The following CROCC2 variants were observed in gnomAD, a reference collection of about 807,000 sequenced individuals.
CROCC2 encodes ciliary rootlet coiled-coil, rootletin family member 2.
CROCC2 carries 163 observed loss-of-function variants against 177.6 expected under a neutral mutation model. The observed-to-expected ratio is 0.92, with a 90% CI of 0.81 to 1.05. The LOEUF is 1.05. Among genes scored for constraint, CROCC2 ranks in the 50% least tolerant of loss-of-function variants. The pLI, the probability that CROCC2 is intolerant of heterozygous loss-of-function variation, is 0.00. For missense variants in CROCC2, 1,929 were observed against 1,797.8 expected, an observed-to-expected ratio of 1.07 and a Z score of -1.32; for synonymous variants, 904 against 787.3, an observed-to-expected ratio of 1.15 and a Z score of -2.48.
At position 240,968,129 on chromosome 2, in the gene CROCC2, G is replaced by A; in HGVS notation, c.4268G>A (p.Gly1423Asp). 2 of 1,470,436 alleles carry A rather than the reference G, an allele frequency of 1.4e-6. No individual in the cohort carries two copies. Among genetic ancestry groups the A allele is most frequent in the South Asian group, 2.7e-5 (2 of 75,316 alleles). 91.1% of individuals were successfully genotyped at this position (1,470,436 alleles called of 1,614,324 possible). The part of the protein sequence containing the change: ...LQKALAEAEE[G>D]QRRVEGALSS... ...TCAAGCCACCCTGCTTGCCCCACAG[G>A]CCAGCGCCGGGTGGAGGGCGCGCTG... The change falls in exon 27 of 32, where the codon GGC (glycine) becomes GAC (aspartate). Residue 1423 changes from glycine to aspartate, a missense_variant and splice_region_variant. Transcript: ENST00000690015.
chr2:240,927,193 A>G (rs74000138), intron 5 of CROCC2, among the ~76,000 whole-genome samples: 2,176 of 152,218 alleles, frequency 0.014, 49 homozygotes, highest in African/African-American at 0.05. Flanking sequence ...TCCTTATCGA[A>G]GTAACATGTC....
chr2:240,963,202 G>C (rs2059654718), intron 20 of CROCC2: 1 of 269,690 alleles, frequency 3.7e-6, no homozygotes, highest in South Asian at 1.2e-4. Context: ...GGTGGGAAGG[G>C]CCCCAGGCAG....
chr2:240,976,006 C>G (rs1355366591), intron 27 of CROCC2, among the ~76,000 whole-genome samples: 1 of 152,228 alleles, frequency 6.6e-6, no homozygotes. Context: ...GCTGGGATTA[C>G]AGGAATGAGC....
At chr2:240,934,270 T>C in intron 11 of CROCC2, 61 bp from the exon 12 acceptor site, 1 of 1,518,522 alleles carries the variant, frequency 6.6e-7, no homozygotes, top group Non-Finnish European at 8.8e-7. Context: ...CTGCCTGAAA[T>C]CCCATGGGGC....
At position 240,930,155 on chromosome 2, in the gene CROCC2, C is replaced by T. The variant is rs565331656; in HGVS notation, c.646-11C>T. The T allele has an allele frequency of 3.7e-6, 2 of 543,536 alleles. No homozygotes were observed. The highest frequency in any genetic ancestry group is 6.7e-6 in the Non-Finnish European group (2 of 297,378). 33.7% of individuals were successfully genotyped at this position (543,536 alleles called of 1,614,324 possible). A position where few individuals can be genotyped will look rare whatever the true frequency, so the allele number is the denominator to read the frequency against. On this transcript the variant is annotated splice_polypyrimidine_tract_variant and intron_variant, in intron 5 of 31. Transcript: ENST00000690015. ...CCAGCCTGAAGTAGACAGGAGGCCT[C>T]TTGCTTTCAGACCCGGTCAGGGGGC...
intron 22 of CROCC2, 30 bp downstream of exon 22, chr2:240,964,655 A>G (rs1043020304): frequency 1.3e-6 from 2 of 1,541,022 alleles, no homozygotes; most frequent in African/African-American, 2.7e-5. Context: ...TCAACATCCA[A>G]CCAGGCACCC....
intron 1 of CROCC2, among the ~76,000 whole-genome samples, chr2:240,909,505 G>A (rs1038374828): frequency 6.6e-6 from 1 of 152,244 alleles, no homozygotes; most frequent in African/African-American, 2.4e-5. Flanking sequence ...GCAGCCCTGT[G>A]AGGATTCTCA....
chr2:240,939,337 C>T (rs2059484763), intron 14 of CROCC2, among the ~76,000 whole-genome samples: 1 of 152,120 alleles, frequency 6.6e-6, no homozygotes, highest in Admixed American at 6.6e-5. Context: ...AACTTGCATA[C>T]ATAATAAGCC....
chr2:240,931,022 GCCAGCAGCACGGCCAGCACC>G lies in CROCC2; in HGVS notation c.843_862del (p.Ser282GlyfsTer44). ...CCTCGACTCCAACCTGCGGCTGTCG[GCCAGCAGCACGGCCAGCACC>G]CTGGGGCAGCAGCTTCGGGACAAGG... On this transcript the variant is annotated frameshift_variant, in exon 7 of 32. Transcript: ENST00000690015. LOFTEE classifies it high-confidence loss of function. 1 of 716,522 alleles carries G rather than the reference GCCAGCAGCACGGCCAGCACC, an allele frequency of 1.4e-6. No individual in the cohort carries two copies. The highest frequency in any genetic ancestry group is 2.6e-6 in the Non-Finnish European group (1 of 384,832). 44.4% of individuals were successfully genotyped at this position (716,522 alleles called of 1,614,324 possible). A position where few individuals can be genotyped will look rare whatever the true frequency, so the allele number is the denominator to read the frequency against.
At chr2:240,964,120 G>A (rs946746540) in intron 21 of CROCC2, 1 of 533,432 alleles carries the variant, frequency 1.9e-6, no homozygotes, top group Admixed American at 3.2e-5. Context: ...GCCCCTGTGG[G>A]GCAGCTGGGC....
rs1441839085 is a variant in CROCC2 at position 240,949,082 on chromosome 2, C to T, written c.2467C>T (p.Arg823Trp). 17 of 1,544,134 alleles carry T rather than the reference C, an allele frequency of 1.1e-5. No individual in the cohort carries two copies. Among genetic ancestry groups the T allele is most frequent in the African/African-American group, 4.1e-5 (3 of 72,764 alleles). ...GGAAGCCCGGAGCGCAGGACTCGCGCGGCAGGCCTTGCAAGGTGCTCCAAG... is the reference window on the plus strand; with the variant it reads ...GGAAGCCCGGAGCGCAGGACTCGCGTGGCAGGCCTTGCAAGGTGCTCCAAG... ...EEEARSAGLA[R>W]QALQVEMEQL... The change falls in exon 16 of 32, where the codon CGG becomes TGG. Residue 823 changes from arginine to tryptophan, a missense_variant. Physicochemically the swap from Arg to Trp is moderately radical, Grantham distance 101. This residue lies in a region of CROCC2 where 1,397 missense variants were observed against 1,239.9 expected (regional missense o/e 1.13). Transcript: ENST00000690015. The surrounding 1 kb of genome is among the most constrained non-coding windows in gnomAD (Gnocchi z 4.5).
At chr2:240,939,493 G>GTTGGC (rs111456246) in intron 14 of CROCC2, among the ~76,000 whole-genome samples, 2 of 151,176 alleles carry the variant, frequency 1.3e-5, no homozygotes, top group Admixed American at 6.6e-5. Flanking sequence ...TCAGAGTTGT[G>GTTGGC]CTCCTAAAAT....
Position 240,958,685 on chromosome 2 carries a change from T to C in CROCC2, c.2944-616T>C, listed in dbSNP as rs535141957. 27 of 742,418 alleles carry C rather than the reference T, an allele frequency of 3.6e-5. No homozygotes were observed. In the South Asian group the frequency reaches 1.3e-3, roughly 35 times the overall value. 46.0% of individuals were successfully genotyped at this position (742,418 alleles called of 1,614,324 possible). On this transcript the variant is annotated intron_variant, in intron 19 of 31. Transcript: ENST00000690015. The surrounding 1 kb of genome is among the most constrained non-coding windows in gnomAD (Gnocchi z 6.7). ...CTCGGACCCTTCATGTTGAGGACACTGAGGCCCAGGAAGCTGAGACCCCCT... is the reference window on the plus strand; with the variant it reads ...CTCGGACCCTTCATGTTGAGGACACCGAGGCCCAGGAAGCTGAGACCCCCT...
intron 11 of CROCC2, among the ~76,000 whole-genome samples, 182 bp downstream of exon 11, chr2:240,934,034 C>G (rs987443103): frequency 6.6e-6 from 1 of 152,216 alleles, no homozygotes; most frequent in Non-Finnish European, 1.5e-5. Context: ...GCACCATCCT[C>G]CAGACCAACC....
chr2:240,916,849 G>C (rs1174522652), intron 1 of CROCC2, among the ~76,000 whole-genome samples: 1 of 152,136 alleles, frequency 6.6e-6, no homozygotes, highest in Non-Finnish European at 1.5e-5. Flanking sequence ...AAGGAGCCTG[G>C]GGTGCCTCTT....
Position 240,932,911 on chromosome 2 carries a change from G to A in CROCC2, c.1251+3G>A, listed in dbSNP as rs190921971. ...AGAGGCGGTGGCGGCGGGAACAGGT[G>A]GGCAGCCGCAGCCCACAGGACTCCC... is the stretch of plus-strand genomic sequence containing the variant. On this transcript the variant is annotated splice_donor_region_variant and intron_variant, in intron 9 of 31. Transcript: ENST00000690015. 216 of 1,544,942 alleles carry A rather than the reference G, an allele frequency of 1.4e-4. No individual in the cohort carries two copies. The African/African-American group carries it at 2.4e-3, about 18-fold the overall frequency.
At chr2:240,913,752 G>A (rs1050042130) in intron 1 of CROCC2, among the ~76,000 whole-genome samples, 1 of 152,274 alleles carries the variant, frequency 6.6e-6, no homozygotes, top group Non-Finnish European at 1.5e-5. Context: ...AGCAATTGCT[G>A]AAATACAGCA....
intron 31 of CROCC2, among the ~76,000 whole-genome samples, chr2:240,992,676 G>C (rs1054756698): frequency 6.6e-6 from 1 of 152,232 alleles, no homozygotes. Flanking sequence ...TGGTGGCACA[G>C]GTGCCCCGAT....
intron 14 of CROCC2, among the ~76,000 whole-genome samples, 168 bp from the exon 15 acceptor site, chr2:240,945,883 TCTATTGTAA>T (rs1335923055): frequency 1.1e-4 from 16 of 152,062 alleles, no homozygotes; most frequent in Non-Finnish European, 2.1e-4. Flanking sequence ...GGATGCCCCC[TCTATTGTAA>T]AAACATACAT....
Sources: allele counts gnomAD v4.1 joint callset (sites outside exome capture counted in the v4.1 genomes callset), GRCh38; gene constraint gnomAD v4.1.1; regional missense constraint gnomAD v4.1.1; non-coding constraint Gnocchi (gnomAD v3.1); transcripts MANE v1.5; gene names NCBI Gene and HGNC (gene_info 2026-07-23, HGNC 2026-07-21).